Variants in ABCA4 observed in about 807,000 individuals in gnomAD.
The protein encoded by ABCA4 is ATP binding cassette subfamily A member 4.
Under a neutral mutation model 263.7 loss-of-function variants are expected in ABCA4, and 196 were observed. That is an observed-to-expected ratio of 0.74 (90% confidence interval 0.66 to 0.84). ABCA4 has a LOEUF of 0.84. Ranked by LOEUF, ABCA4 falls within the 40% of genes least tolerant of loss-of-function variation. ABCA4 has a pLI of 0.00. For synonymous variants in ABCA4, 1,133 were observed against 1,094.2 expected (o/e 1.04, Z -0.70); for missense variants, 2,792 against 2,855.1 (o/e 0.98, Z 0.50).
At chr1:94,058,637 C>G (rs1208063106) in intron 14 of ABCA4, among the ~76,000 whole-genome samples, 2 of 152,260 alleles carry the variant, frequency 1.3e-5, no homozygotes, top group African/African-American at 4.8e-5. Flanking sequence ...ATTAGGGTTA[C>G]AGGCGTGAGC....
At position 94,029,227 on chromosome 1, in the gene ABCA4, G is replaced by A. The variant is rs114746132; in HGVS notation, c.4539+218C>T. 2.1e-3 allele frequency among the ~76,000 whole-genome samples: 321 copies of A among 152,256 alleles called. 3 individuals carry two copies. Among genetic ancestry groups the A allele is most frequent in the Non-Finnish European group, 3.6e-3 (245 of 68,010 alleles). On this transcript the variant is annotated intron_variant, in intron 30 of 49. Transcript: ENST00000370225. The stretch of plus-strand genomic sequence containing the variant: ...CTACTAGATCAAATAGGAAGTATCT[G>A]GTGGAAAATGAAGCTTTTGGTGAGT...
rs144180219 is a variant in ABCA4, at chr1:94,094,671, C to G, written c.768+4123G>C. On this transcript the variant is annotated intron_variant, in intron 6 of 49. Transcript: ENST00000370225. The stretch of plus-strand genomic sequence containing the variant: ...TGCCGAACTTCCACAAATAAACATT[C>G]AAAGCAGAAGGGACAGATTTGCTTC... 4.7e-3 allele frequency among the ~76,000 whole-genome samples: 708 copies of G among 152,184 alleles called. 1 individual carries two copies. Among genetic ancestry groups the G allele is most frequent in the Non-Finnish European group, 8.1e-3 (552 of 68,012 alleles).
chr1:94,094,106 T>A (rs1662051443), intron 6 of ABCA4, among the ~76,000 whole-genome samples: 1 of 152,208 alleles, frequency 6.6e-6, no homozygotes. Flanking sequence ...AAGTCATTAG[T>A]GGGACCTCAC....
In ABCA4 at chr1:94,001,104, T is replaced by A. The variant is rs1064793015; in HGVS notation, c.6284A>T (p.Asp2095Val). The change falls in exon 46 of 50, where the codon GAT becomes GTT. Residue 2095 changes from aspartate to valine, a missense_variant and splice_region_variant. Asp to Val is a radical substitution (Grantham distance 152, BLOSUM62 -3). Transcript: ENST00000370225. ...LIGCPPLVLLDEPTTGMDPQA... is the reference protein window; with the variant it reads ...LIGCPPLVLLVEPTTGMDPQA... ...GGGGTCCATCCCTGTGGTGGGCTCA[T>A]CCTGGGGGGTGGAGAGAAGGTTGGG... is the stretch of plus-strand genomic sequence containing the variant. 1 of 1,613,164 alleles carries A rather than the reference T, an allele frequency of 6.2e-7. No individual in the cohort carries two copies. The highest frequency in any genetic ancestry group is 1.1e-5 in the South Asian group (1 of 91,060).
intron 14 of ABCA4, 144 bp from the exon 15 acceptor site, chr1:94,056,966 A>G: frequency 1.3e-6 from 1 of 743,810 alleles, no homozygotes. Flanking sequence ...CTTTAATCCT[A>G]GGAATGCCAT....
rs560355746 is a variant in ABCA4 at position 94,030,382 on chromosome 1, C to T, written c.4352+46G>A. ...CATCTTGAACCCACCGTTGGGTCCT[C>T]CCAGGGGAGCTAGTCTTCTTAGGAC... On this transcript the variant is annotated intron_variant, in intron 29 of 49. Coordinates refer to ENST00000370225, the MANE Select transcript of ABCA4 (RefSeq NM_000350.3). 8 of 1,585,482 alleles carry T rather than the reference C, an allele frequency of 5.0e-6. No homozygotes were observed. In the African/African-American group the frequency reaches 8.1e-5, roughly 16 times the overall value.
Position 94,005,582 on chromosome 1 carries a change from A to G in ABCA4, c.6006T>C (p.Ser2002=). The G allele has an allele frequency of 1.9e-6, 3 of 1,614,006 alleles. No homozygotes were observed. Among genetic ancestry groups the G allele is most frequent in the Non-Finnish European group, 2.5e-6 (3 of 1,179,876 alleles). Residue 2002 remains serine, a splice_region_variant and synonymous_variant, in exon 44 of 50, where the codon AGT becomes AGC. Transcript: ENST00000370225. The part of the protein sequence containing the change: ...TSGDATVAGK[S]ILTNISEVHQ... The stretch of plus-strand genomic sequence containing the variant: ...GGACTTCAGAAATATTGGTTAAAAT[A>G]CTGCAAGAAAAAAAGCAATTACTGA...
rs769173189 is a variant in ABCA4 at position 93,993,260 on chromosome 1, A to G, written c.6817-18T>C. 1.3e-5 allele frequency: 21 copies of G among 1,613,868 alleles called. No individual in the cohort carries two copies. In the Admixed American group the frequency reaches 1.5e-4, roughly 12 times the overall value. On this transcript the variant is annotated intron_variant, in intron 49 of 49. Coordinates refer to ENST00000370225, the MANE Select transcript of ABCA4 (RefSeq NM_000350.3). Reference sequence around the variant, plus strand: ...GATCAGTCCTGTGGAAGGAGATCACATGGACTCGCGTCATCTTGGTTTTCT... The same window carrying G: ...GATCAGTCCTGTGGAAGGAGATCACGTGGACTCGCGTCATCTTGGTTTTCT...
At chr1:94,029,687 C>T in intron 29 of ABCA4, 56 bp from the exon 30 acceptor site, 1 of 1,536,768 alleles carries the variant, frequency 6.5e-7, no homozygotes, top group Non-Finnish European at 8.9e-7. Flanking sequence ...TGACAAATCC[C>T]TAGGCATAAG....
intron 1 of ABCA4, among the ~76,000 whole-genome samples, chr1:94,114,718 A>T (rs1662709128): frequency 1.3e-5 from 2 of 152,204 alleles, no homozygotes; most frequent in Non-Finnish European, 2.9e-5. Flanking sequence ...CGATCTCCTG[A>T]CCTGGTGATC....
chr1:94,033,745 C>A (rs929924584), intron 26 of ABCA4, among the ~76,000 whole-genome samples: 2 of 151,822 alleles, frequency 1.3e-5, no homozygotes, highest in African/African-American at 4.8e-5. Context: ...GCCTGGGATG[C>A]GAAGGCTGGG....
At chr1:94,020,657 G>A (rs1659870770) in intron 35 of ABCA4, among the ~76,000 whole-genome samples, 1 of 152,220 alleles carries the variant, frequency 6.6e-6, no homozygotes, top group Non-Finnish European at 1.5e-5. Flanking sequence ...TGCTAGGATA[G>A]TAAAATCAGG....
chr1:94,005,193 C>A (rs1273210721), intron 44 of ABCA4, among the ~76,000 whole-genome samples: 1 of 152,168 alleles, frequency 6.6e-6, no homozygotes, highest in Non-Finnish European at 1.5e-5. Flanking sequence ...ATTGCTGAGT[C>A]AGAGGATAAA....
In ABCA4 at chr1:94,008,310, A is replaced by G. The variant is rs1162524047; in HGVS notation, c.5836-13T>C. 3 of 1,613,476 alleles carry G rather than the reference A, an allele frequency of 1.9e-6. No homozygotes were observed. The highest frequency in any genetic ancestry group is 1.7e-5 in the Admixed American group (1 of 60,030). ...TGCCTGGATAAATCTGCAAGATACG[A>G]AGAAACCGGACTGAGAACTGAGACA... is the stretch of plus-strand genomic sequence containing the variant. On this transcript the variant is annotated splice_polypyrimidine_tract_variant and intron_variant, in intron 41 of 49. Coordinates refer to ENST00000370225, the MANE Select transcript of ABCA4 (RefSeq NM_000350.3).
chr1:94,073,370 C>T (rs911713221), intron 11 of ABCA4, among the ~76,000 whole-genome samples: 20 of 152,174 alleles, frequency 1.3e-4, no homozygotes, highest in Admixed American at 4.6e-4. Context: ...GAAGTCCTGG[C>T]GGCCCCGGAG....
intron 1 of ABCA4, among the ~76,000 whole-genome samples, chr1:94,114,923 A>C (rs1433382610): frequency 6.6e-6 from 1 of 152,202 alleles, no homozygotes; most frequent in Non-Finnish European, 1.5e-5. Flanking sequence ...CCAGCACCCC[A>C]CATGGGGCAG....
At position 94,120,772 on chromosome 1, in the gene ABCA4, C is replaced by T. The variant is rs3789451; in HGVS notation, c.66+208G>A. Reference sequence around the variant, plus strand: ...TTTCATGTGGCTGAGGACAGAGAAACACATCTTCCTGGGAAGGGCACTGTC... The same window carrying T: ...TTTCATGTGGCTGAGGACAGAGAAATACATCTTCCTGGGAAGGGCACTGTC... On this transcript the variant is annotated intron_variant, in intron 1 of 49. Coordinates refer to ENST00000370225, the MANE Select transcript of ABCA4 (RefSeq NM_000350.3). 0.41 allele frequency among the ~76,000 whole-genome samples: 62,180 copies of T among 151,480 alleles called. 12,792 individuals are homozygous for T. Among genetic ancestry groups the T allele is most frequent in the Admixed American group, 0.46 (6,943 of 15,228 alleles).
At chr1:94,091,296 T>C (rs1476724192) in intron 6 of ABCA4, among the ~76,000 whole-genome samples, 2 of 152,182 alleles carry the variant, frequency 1.3e-5, no homozygotes, top group African/African-American at 4.8e-5. Context: ...TGGTAAATGA[T>C]GAGGGTCCGG....
intron 26 of ABCA4, among the ~76,000 whole-genome samples, chr1:94,033,146 A>G (rs1412222617): frequency 1.3e-5 from 2 of 152,202 alleles, no homozygotes; most frequent in African/African-American, 4.8e-5. Context: ...AAATGAAGGC[A>G]TGGTGGCTCA....
Sources: gnomAD v4.1 joint callset for allele counts (sites outside exome capture counted in the v4.1 genomes callset) on GRCh38, gnomAD v4.1.1 for gene constraint, MANE v1.5 for transcripts, NCBI Gene and HGNC (gene_info 2026-07-23, HGNC 2026-07-21) for gene names.